The following SLC4A10 variants were observed in gnomAD, a reference collection of about 807,000 sequenced individuals.
SLC4A10 encodes solute carrier family 4 member 10.
Under a neutral mutation model 137.7 loss-of-function variants are expected in SLC4A10, and 42 were observed. The observed-to-expected ratio is 0.30, with a 90% CI of 0.24 to 0.39. SLC4A10 has a LOEUF of 0.39. Ranked by LOEUF, SLC4A10 falls within the 10% of genes least tolerant of loss-of-function variation. The pLI is 1.00. For synonymous variants in SLC4A10, 474 were observed against 464.1 expected (o/e 1.02, Z -0.27); for missense variants, 925 against 1,355.0 (o/e 0.68, Z 4.98).
chr2:161,751,582 A>G (rs1042734571), intron 1 of SLC4A10, among the ~76,000 whole-genome samples: 1 of 151,740 alleles, frequency 6.6e-6, no homozygotes. Context: ...GAGGGAATTG[A>G]TCATATATAG....
intron 15 of SLC4A10, among the ~76,000 whole-genome samples, chr2:161,935,186 A>G (rs910527674): frequency 3.9e-5 from 6 of 152,142 alleles, no homozygotes; most frequent in Non-Finnish European, 8.8e-5. Context: ...GTCGAAAATC[A>G]TTTGACCTTA....
chr2:161,630,269 G>A (rs1329290399), intron 1 of SLC4A10, among the ~76,000 whole-genome samples: 1 of 151,748 alleles, frequency 6.6e-6, no homozygotes, highest in Non-Finnish European at 1.5e-5. Flanking sequence ...TCATGCTTAT[G>A]AGGGATATTG....
At chr2:161,681,524 A>G (rs1262404732) in intron 1 of SLC4A10, among the ~76,000 whole-genome samples, 1 of 152,114 alleles carries the variant, frequency 6.6e-6, no homozygotes, top group African/African-American at 2.4e-5. Flanking sequence ...CAAAACATGG[A>G]TAACTTTTCT....
Position 161,727,864 on chromosome 2 carries a change from G to A in SLC4A10, c.49-43109G>A, listed in dbSNP as rs149053347. On this transcript the variant is annotated intron_variant, in intron 1 of 26. Coordinates refer to ENST00000446997, the MANE Select transcript of SLC4A10 (RefSeq NM_001178015.2). ...AAAATATTATGAGAACAAAAGGACC[G>A]GTGTATGATTTAAAGAGCTCACCAA... Among the ~76,000 whole-genome samples, 897 of 152,024 alleles carry A rather than the reference G, an allele frequency of 5.9e-3. 1 individual carries two copies. The highest frequency in any genetic ancestry group is 9.3e-3 in the Non-Finnish European group (635 of 67,986).
intron 21 of SLC4A10, 116 bp downstream of exon 21, chr2:161,958,671 A>G (rs536006760): frequency 1.6e-6 from 1 of 626,090 alleles, no homozygotes; most frequent in African/African-American, 1.9e-5. Context: ...TTAGACCACA[A>G]TTAAATTTCT....
rs1488954229 is a variant in SLC4A10 at position 161,983,282 on chromosome 2, A to C, written c.*130A>C. ...ATTTATTTTTTACATATATATGAGA[A>C]GAGTGTCACAATTATTAATAAAACT... On this transcript the variant is annotated 3_prime_UTR_variant, in exon 27 of 27. Transcript: ENST00000446997. The C allele has an allele frequency of 6.6e-7, 1 of 1,506,972 alleles. No individual in the cohort carries two copies. The highest frequency in any genetic ancestry group is 2.0e-5 in the Admixed American group (1 of 49,856). The allele number at this position is 1,506,972 out of a possible 1,614,324, so 93.4% of individuals were successfully genotyped here.
At chr2:161,681,022 G>A (rs2040798053) in intron 1 of SLC4A10, among the ~76,000 whole-genome samples, 1 of 152,144 alleles carries the variant, frequency 6.6e-6, no homozygotes, top group Non-Finnish European at 1.5e-5. Context: ...CCTAAGTTCA[G>A]TAAGAAGCCA....
intron 1 of SLC4A10, among the ~76,000 whole-genome samples, chr2:161,649,293 AG>A (rs1160100289): frequency 6.6e-6 from 1 of 152,206 alleles, no homozygotes; most frequent in Non-Finnish European, 1.5e-5. Context: ...CCTGGGAGGC[AG>A]GGTTTGCAGT....
intron 2 of SLC4A10, among the ~76,000 whole-genome samples, chr2:161,794,983 AT>A (rs143234473): frequency 0.019 from 2,928 of 152,244 alleles, 60 homozygotes; most frequent in African/African-American, 0.055. Context: ...ACATTGAAAA[AT>A]GAGAAACAGT....
chr2:161,868,109 T>G (rs2060873362), intron 6 of SLC4A10, among the ~76,000 whole-genome samples: 1 of 151,962 alleles, frequency 6.6e-6, no homozygotes, highest in Non-Finnish European at 1.5e-5. Flanking sequence ...ACTATAAATT[T>G]AAAAGTTGCT....
intron 11 of SLC4A10, among the ~76,000 whole-genome samples, chr2:161,895,182 C>T (rs1432517102): frequency 8.0e-5 from 12 of 150,758 alleles, no homozygotes; most frequent in Non-Finnish European, 1.2e-4. Flanking sequence ...TTTGCCCTTG[C>T]GATAGTTTAC....
At chr2:161,902,132 G>A in intron 12 of SLC4A10, 1 of 456,004 alleles carries the variant, frequency 2.2e-6, no homozygotes, top group South Asian at 1.6e-5. Context: ...GGAGTTGCTG[G>A]TGTACATCTG....
At chr2:161,904,428 T>A (rs1272183718) in intron 13 of SLC4A10, among the ~76,000 whole-genome samples, 1 of 152,128 alleles carries the variant, frequency 6.6e-6, no homozygotes, top group Non-Finnish European at 1.5e-5. Flanking sequence ...GCGCCCCCAA[T>A]CCTAAGCTAG....
chr2:161,626,458 G>A (rs760506363), intron 1 of SLC4A10, among the ~76,000 whole-genome samples: 14 of 152,220 alleles, frequency 9.2e-5, no homozygotes, highest in Middle Eastern at 3.4e-3. Context: ...AAGTTTGCAT[G>A]TCATGGGGTT....
chr2:161,832,748 G>GTTTTGTT (rs372568887), intron 3 of SLC4A10, among the ~76,000 whole-genome samples: 10,200 of 151,888 alleles, frequency 0.067, 447 homozygotes, highest in East Asian at 0.17. Flanking sequence ...GTTTTGTTTT[G>GTTTTGTT]TTTTGTTTTT....
intron 26 of SLC4A10, among the ~76,000 whole-genome samples, chr2:161,982,227 A>G (rs1700315792): frequency 6.6e-6 from 1 of 152,160 alleles, no homozygotes. Context: ...CCTTTGTGTC[A>G]GCAGTGGGGA....
chr2:161,877,210 G>T (rs940291958), intron 8 of SLC4A10, among the ~76,000 whole-genome samples: 14 of 151,952 alleles, frequency 9.2e-5, no homozygotes, highest in Non-Finnish European at 1.9e-4. Context: ...AATGGCATTT[G>T]TCAAGCAATA....
chr2:161,647,907 A>G (rs1266659518), intron 1 of SLC4A10, among the ~76,000 whole-genome samples: 3 of 152,234 alleles, frequency 2.0e-5, no homozygotes, highest in African/African-American at 4.8e-5. Context: ...CTCGCTGCAG[A>G]GCAATAATAC....
At chr2:161,720,956 G>A (rs968486770) in intron 1 of SLC4A10, among the ~76,000 whole-genome samples, 6 of 151,944 alleles carry the variant, frequency 3.9e-5, no homozygotes, top group Admixed American at 3.3e-4. Flanking sequence ...AGCCTCCCAA[G>A]TAGCTGGGAT....
Sources: allele counts gnomAD v4.1 joint callset (sites outside exome capture counted in the v4.1 genomes callset), GRCh38; gene constraint gnomAD v4.1.1; transcripts MANE v1.5; gene names NCBI Gene and HGNC (gene_info 2026-07-23, HGNC 2026-07-21).